SIAE: variants seen among roughly 807,000 people sequenced by gnomAD.
SIAE encodes the protein sialate O-acetylesterase.
Under a neutral mutation model 52.6 loss-of-function variants are expected in SIAE, and 39 were observed. The observed-to-expected ratio is 0.74, with a 90% confidence interval of 0.57 to 0.97. The LOEUF (loss-of-function observed/expected upper bound fraction) is 0.97. SIAE is among the 50% of genes least tolerant of loss of function. The pLI is 0.00. For synonymous variants in SIAE, 233 were observed against 241.4 expected, an observed-to-expected ratio of 0.97 and a Z score of 0.32; for missense variants, 592 against 662.1, an observed-to-expected ratio of 0.89 and a Z score of 1.16.
intron 3 of SIAE, among the ~76,000 whole-genome samples, chr11:124,655,362 A>G (rs1259920374): frequency 6.6e-6 from 1 of 152,108 alleles, no homozygotes; most frequent in East Asian, 1.9e-4. Flanking sequence ...TTTTTAGTAG[A>G]GACGGGGTTT....
intron 9 of SIAE, 126 bp downstream of exon 9, chr11:124,638,416 A>G (rs1196372722): frequency 2.8e-5 from 28 of 994,606 alleles, no homozygotes; most frequent in Non-Finnish European, 4.4e-5. Flanking sequence ...CAGCTCTGAA[A>G]TAAGCTCAGC....
chr11:124,673,672 G>A lies in SIAE; in HGVS notation c.37C>T (p.Pro13Ser). Residue 13 changes from proline (P) to serine (S), a missense_variant, in exon 1 of 10, where the codon CCA becomes TCA. By Grantham distance (74) the Pro-to-Ser change is moderately conservative. Transcript: ENST00000263593. ...CTTCTGTCGGCCCACAGGATTAATGGCAGCACCAGCCCGAGTACAAGCCCC... is the reference window on the plus strand; with the variant it reads ...CTTCTGTCGGCCCACAGGATTAATGACAGCACCAGCCCGAGTACAAGCCCC... Reference protein sequence around the residue: ...APGLVLGLVLPLILWADRSAG... With the variant: ...APGLVLGLVLSLILWADRSAG... 2 of 1,613,688 alleles carry A rather than the reference G, an allele frequency of 1.2e-6. No homozygotes were observed. The highest frequency in any genetic ancestry group is 1.7e-6 in the Non-Finnish European group (2 of 1,179,808).
intron 1 of SIAE, chr11:124,669,759 C>A: frequency 3.8e-6 from 2 of 520,698 alleles, no homozygotes; most frequent in Non-Finnish European, 6.9e-6. Flanking sequence ...TTCCCAGAGC[C>A]CAAGGCAACC....
At chr11:124,638,498 T>A in intron 9 of SIAE, 44 bp downstream of exon 9, 1 of 1,601,732 alleles carries the variant, frequency 6.2e-7, no homozygotes, top group Non-Finnish European at 8.6e-7. Context: ...AAATCTTGAC[T>A]CCACCACAAA....
chr11:124,641,571 CAATT>C (rs1472483114), intron 7 of SIAE, among the ~76,000 whole-genome samples: 2 of 152,154 alleles, frequency 1.3e-5, no homozygotes, highest in African/African-American at 4.8e-5. Context: ...ACTTTCACCT[CAATT>C]AAGAAATTAC....
intron 6 of SIAE, 73 bp downstream of exon 6, chr11:124,647,993 T>G: frequency 8.7e-7 from 1 of 1,154,940 alleles, no homozygotes; most frequent in Non-Finnish European, 1.3e-6. Flanking sequence ...TTTAAGCCAC[T>G]ACGTTCTAGG....
upstream of SIAE, chr11:124,673,803 C>G (rs1298888137): frequency 4.3e-6 from 6 of 1,408,946 alleles, no homozygotes; most frequent in Non-Finnish European, 5.9e-6. Context: ...CACCCTTTTG[C>G]AGTCCTCGCA....
rs1591383742 is a variant in SIAE, at chr11:124,640,935, A to G, written c.967-1068T>C. On this transcript the variant is annotated intron_variant, in intron 7 of 9. Coordinates refer to ENST00000263593, the MANE Select transcript of SIAE (RefSeq NM_170601.5). The stretch of plus-strand genomic sequence containing the variant: ...GCCCCTGCTGACCCACAGAGGTCTG[A>G]AAGAGCCCAAAGATCTGCAGCTTAG... Among the ~76,000 whole-genome samples, 5 of 152,294 alleles carry G rather than the reference A, an allele frequency of 3.3e-5. No individual in the cohort carries two copies. The South Asian group carries it at 1.0e-3, about 32-fold the overall frequency.
In SIAE at chr11:124,660,787, C is replaced by A; in HGVS notation, c.246G>T (p.Trp82Cys). The A allele has an allele frequency of 1.2e-6, 2 of 1,614,164 alleles. No individual in the cohort carries two copies. The highest frequency in any genetic ancestry group is 1.7e-6 in the Non-Finnish European group (2 of 1,180,016). ...VTSVKAHSDT[W>C]MVVLDPMKPG... ...GCTTCATAGGATCCAGTACCACCAT[C>A]CACGTATCAGAGTGAGCTGAAATAG... The change falls in exon 3 of 10, where the codon TGG becomes TGT. Residue 82 changes from tryptophan (W) to cysteine (C), a missense_variant. Trp to Cys is a radical substitution (Grantham distance 215, BLOSUM62 -2). Coordinates refer to ENST00000263593, the MANE Select transcript of SIAE (RefSeq NM_170601.5).
intron 2 of SIAE, among the ~76,000 whole-genome samples, chr11:124,661,827 GA>G (rs1257710273): frequency 6.6e-6 from 1 of 152,172 alleles, no homozygotes; most frequent in Non-Finnish European, 1.5e-5. Flanking sequence ...AGAATGATAA[GA>G]ACTGGAAATG....
chr11:124,651,636 T>C (rs1943019322), intron 4 of SIAE, among the ~76,000 whole-genome samples: 2 of 151,864 alleles, frequency 1.3e-5, no homozygotes, highest in African/African-American at 2.4e-5. Flanking sequence ...TTAAGGAGTT[T>C]TAACACAAAG....
chr11:124,639,591 C>T lies in SIAE; in HGVS notation c.1124+119G>A, dbSNP rs1942809773. The T allele has an allele frequency of 6.3e-6, 8 of 1,273,324 alleles. No individual in the cohort carries two copies. The South Asian group carries it at 8.4e-5, about 13-fold the overall frequency. The allele number at this position is 1,273,324 out of a possible 1,614,324, so 78.9% of individuals were successfully genotyped here. A position where few individuals can be genotyped will look rare whatever the true frequency, so the allele number is the denominator to read the frequency against. On this transcript the variant is annotated intron_variant, in intron 8 of 9. Transcript: ENST00000263593. ...TTGCTGTTGTTACTGCAGCACACCC[C>T]AGCATACGTGACTCTTAAGTGCCAA...
rs753292979 is a variant in SIAE, at chr11:124,648,079, TA to T, written c.818del (p.Val273GlufsTer10). 6.2e-6 allele frequency: 10 copies of T among 1,612,782 alleles called. No individual in the cohort carries two copies. Among genetic ancestry groups the T allele is most frequent in the Non-Finnish European group, 8.5e-6 (10 of 1,178,876 alleles). ...HPLCNMTLKG[V>X]VWYQGESNIN... Reference sequence around the variant, plus strand: ...CTGAACACTTACCCTGGTACCATACTACCCCTTTCAGAGTCATATTGCACAG... The same window carrying T: ...CTGAACACTTACCCTGGTACCATACTCCCCTTTCAGAGTCATATTGCACAG... On this transcript the variant is annotated frameshift_variant, in exon 6 of 10. Transcript: ENST00000263593. LOFTEE classifies it high-confidence loss of function.
At chr11:124,648,611 C>CT (rs1305778945) in intron 5 of SIAE, among the ~76,000 whole-genome samples, 5 of 152,296 alleles carry the variant, frequency 3.3e-5, no homozygotes, top group Admixed American at 2.6e-4. Context: ...TGCATACATG[C>CT]TTAACTATAT....
chr11:124,651,693 T>C (rs1210486030), intron 4 of SIAE, among the ~76,000 whole-genome samples: 1 of 152,182 alleles, frequency 6.6e-6, no homozygotes, highest in Non-Finnish European at 1.5e-5. Flanking sequence ...TAATAAACAC[T>C]GACCTCCCCG....
chr11:124,646,865 T>G (rs769563594), intron 7 of SIAE, among the ~76,000 whole-genome samples: 1 of 152,218 alleles, frequency 6.6e-6, no homozygotes, highest in Non-Finnish European at 1.5e-5. Context: ...TAAACTACAA[T>G]GTAACCATAT....
chr11:124,673,968 C>A (rs1337242206), upstream of SIAE: 5 of 553,920 alleles, frequency 9.0e-6, no homozygotes, highest in East Asian at 1.5e-4. Context: ...GCCGCTTCCC[C>A]ACTTCCTCTC....
rs79989798 is a variant in SIAE, at chr11:124,670,639, C to T, written c.68-1118G>A. ...CCCTGGAAGCTACAAATGATGAGGGCCCCTTCGGCTATACTTAACAGGGCA... is the reference window on the plus strand; with the variant it reads ...CCCTGGAAGCTACAAATGATGAGGGTCCCTTCGGCTATACTTAACAGGGCA... On this transcript the variant is annotated intron_variant, in intron 1 of 9. Coordinates refer to ENST00000263593, the MANE Select transcript of SIAE (RefSeq NM_170601.5). The surrounding 1 kb of genome is among the most constrained non-coding windows in gnomAD (Gnocchi z 4.5). 2.0e-3 allele frequency among the ~76,000 whole-genome samples: 303 copies of T among 152,204 alleles called. No individual in the cohort carries two copies. Among genetic ancestry groups the T allele is most frequent in the Non-Finnish European group, 3.5e-3 (238 of 68,010 alleles).
intron 3 of SIAE, among the ~76,000 whole-genome samples, chr11:124,655,410 C>T (rs998171816): frequency 3.3e-5 from 5 of 152,146 alleles, no homozygotes; most frequent in Non-Finnish European, 7.3e-5. Context: ...CTCCAGACCT[C>T]GTGATCCGCC....
Sources: allele counts gnomAD v4.1 joint callset (sites outside exome capture counted in the v4.1 genomes callset), GRCh38; gene constraint gnomAD v4.1.1; non-coding constraint Gnocchi (gnomAD v3.1); transcripts MANE v1.5; gene names NCBI Gene and HGNC (gene_info 2026-07-23, HGNC 2026-07-21).